Variants in LIG1 observed in about 807,000 individuals in gnomAD.
The protein encoded by LIG1 is DNA ligase 1, also known as ligase I, DNA, ATP-dependent.
Under a neutral mutation model 115.7 loss-of-function variants are expected in LIG1, and 70 were observed. That is an observed-to-expected ratio of 0.60 (90% confidence interval 0.50 to 0.74). The LOEUF (loss-of-function observed/expected upper bound fraction) is 0.74. LIG1 is among the 30% of genes least tolerant of loss of function. LIG1 has a pLI of 0.00. For synonymous variants in LIG1, 487 were observed against 495.3 expected (o/e 0.98, Z 0.22); for missense variants, 1,115 against 1,225.6 (o/e 0.91, Z 1.35).
chr19:48,134,117 C>T, intron 16 of LIG1, 51 bp from the exon 17 acceptor site: 1 of 1,502,136 alleles, frequency 6.7e-7, no homozygotes. Flanking sequence ...AGAACTCACA[C>T]AGTTTGGAAA....
At chr19:48,127,680 T>A in intron 20 of LIG1, 1 of 624,432 alleles carries the variant, frequency 1.6e-6, no homozygotes, top group Non-Finnish European at 2.9e-6. Context: ...TCTTCTTTCA[T>A]AGTAAAACAA....
chr19:48,138,840 G>A (rs1032827725), intron 12 of LIG1, among the ~76,000 whole-genome samples: 6 of 152,182 alleles, frequency 3.9e-5, no homozygotes, highest in African/African-American at 7.2e-5. Flanking sequence ...AACCGACCCC[G>A]TGTGTGCTGG....
At chr19:48,133,222 T>G (rs1309485346) in intron 17 of LIG1, 125 bp from the exon 18 acceptor site, 12 of 714,536 alleles carry the variant, frequency 1.7e-5, no homozygotes, top group Non-Finnish European at 2.8e-5. Context: ...TCACGAAGCC[T>G]CCCACGTTTT....
At chr19:48,164,558 T>C (rs1440576033) in intron 2 of LIG1, among the ~76,000 whole-genome samples, 1 of 152,218 alleles carries the variant, frequency 6.6e-6, no homozygotes, top group African/African-American at 2.4e-5. Flanking sequence ...TGGCCCAGGC[T>C]GGGCCAGTGA....
chr19:48,162,431 T>A, intron 2 of LIG1, 80 bp from the exon 3 acceptor site: 4 of 883,378 alleles, frequency 4.5e-6, no homozygotes, highest in South Asian at 1.5e-5. Flanking sequence ...TCCTATAACT[T>A]CCTTTTTTTT....
chr19:48,140,108 CGCA>C lies in LIG1; in HGVS notation c.947_949del (p.Leu316del). 1 of 1,613,682 alleles carries C rather than the reference CGCA, an allele frequency of 6.2e-7. No homozygotes were observed. The highest frequency in any genetic ancestry group is 2.2e-5 in the East Asian group (1 of 44,888). On this transcript the variant is annotated inframe_deletion, in exon 12 of 28. Coordinates refer to ENST00000263274, the MANE Select transcript of LIG1 (RefSeq NM_000234.3). ...TGGAGGCGACAGGGCCACCACGGAG[CGCA>C]GCAAGTTGCTCAGCGTCTCCACCAT...
At position 48,157,060 on chromosome 19, in the gene LIG1, G is replaced by T. The variant is rs116928757; in HGVS notation, c.324C>A (p.Thr108=). The T allele has an allele frequency of 3.1e-6, 5 of 1,613,188 alleles. No homozygotes were observed. The South Asian group carries it at 5.5e-5, about 18-fold the overall frequency. ...CTGATGGGGAACTGTCCATGGGAGA[G>T]GTGTCAGAGAGGGAAGCATTGTTCT... ...SPENNASLSD[T]SPMDSSPSGI... The change falls in exon 5 of 28, where the codon ACC becomes ACA. Residue 108 remains threonine, a synonymous_variant. Coordinates refer to ENST00000263274, the MANE Select transcript of LIG1 (RefSeq NM_000234.3).
At chr19:48,138,204 G>A (rs1159356136) in intron 12 of LIG1, among the ~76,000 whole-genome samples, 1 of 152,110 alleles carries the variant, frequency 6.6e-6, no homozygotes, top group Non-Finnish European at 1.5e-5. Context: ...TAAGAGCTGG[G>A]GAGATGGAGC....
intron 2 of LIG1, among the ~76,000 whole-genome samples, chr19:48,164,073 C>T (rs2036345013): frequency 1.3e-5 from 2 of 150,810 alleles, no homozygotes; most frequent in Non-Finnish European, 2.9e-5. Context: ...TGGTGAGAAA[C>T]GGATCATAGT....
At position 48,143,577 on chromosome 19, in the gene LIG1, G is replaced by A. The variant is rs765401609; in HGVS notation, c.880C>T (p.Arg294Trp). ...GQKVPYLAVA[R>W]TFEKIEEVSA... ...ACCTCCTCGATCTTCTCAAACGTCCGGGCCACAGCCAGGTAAGGAACCCTA... is the reference window on the plus strand; with the variant it reads ...ACCTCCTCGATCTTCTCAAACGTCCAGGCCACAGCCAGGTAAGGAACCCTA... The change falls in exon 11 of 28, where the codon CGG becomes TGG. Residue 294 changes from arginine (R) to tryptophan (W), a missense_variant. By Grantham distance (101) the Arg-to-Trp change is moderately radical. Transcript: ENST00000263274. 28 of 1,607,590 alleles carry A rather than the reference G, an allele frequency of 1.7e-5. No individual in the cohort carries two copies. Among genetic ancestry groups the A allele is most frequent in the East Asian group, 6.7e-5 (3 of 44,634 alleles).
chr19:48,131,475 AT>A (rs752862916), intron 18 of LIG1, among the ~76,000 whole-genome samples: 1 of 151,582 alleles, frequency 6.6e-6, no homozygotes, highest in Middle Eastern at 3.4e-3. Flanking sequence ...TCTCATTCTG[AT>A]TTTTTTTTGA....
chr19:48,116,756 G>C (rs2032869156), intron 26 of LIG1, among the ~76,000 whole-genome samples: 1 of 152,182 alleles, frequency 6.6e-6, no homozygotes, highest in African/African-American at 2.4e-5. Context: ...AGCAAGGGCT[G>C]GATACACACC....
chr19:48,142,969 T>C (rs1599810011), intron 11 of LIG1, among the ~76,000 whole-genome samples: 2 of 152,002 alleles, frequency 1.3e-5, no homozygotes, highest in African/African-American at 2.4e-5. Flanking sequence ...ATAAACTAAA[T>C]ACACAGGGGC....
chr19:48,121,987 G>A (rs1172831429), intron 23 of LIG1, among the ~76,000 whole-genome samples: 1 of 152,190 alleles, frequency 6.6e-6, no homozygotes, highest in Non-Finnish European at 1.5e-5. Context: ...CTAACCATGT[G>A]CCAGGCAGAA....
intron 6 of LIG1, among the ~76,000 whole-genome samples, chr19:48,153,233 T>C (rs574772401): frequency 6.6e-6 from 1 of 151,376 alleles, no homozygotes; most frequent in Admixed American, 6.6e-5. Context: ...TTACTTTTTT[T>C]CCAATGTATG....
intron 10 of LIG1, 99 bp from the exon 11 acceptor site, chr19:48,143,698 G>T: frequency 1.7e-6 from 2 of 1,167,026 alleles, no homozygotes; most frequent in Non-Finnish European, 2.6e-6. Flanking sequence ...GGACACCCTT[G>T]CCAATACCCA....
In LIG1 at chr19:48,137,106, C is replaced by A. The variant is rs3730969; in HGVS notation, c.1255-22G>T. 13 of 1,596,680 alleles carry A rather than the reference C, an allele frequency of 8.1e-6. No homozygotes were observed. In the African/African-American group the frequency reaches 1.5e-4, roughly 18 times the overall value. ...TGGACTGGAGAGTCAGGGGAAGAGC[C>A]GTCAGTGCCTGGTGAAGGCAGGGAC... is the stretch of plus-strand genomic sequence containing the variant. On this transcript the variant is annotated intron_variant, in intron 13 of 27. Transcript: ENST00000263274. This position sits in a 1 kb window ranked among gnomAD's most constrained non-coding sequence, Gnocchi z 4.3.
At chr19:48,139,498 C>T (rs1400601387) in intron 12 of LIG1, among the ~76,000 whole-genome samples, 1 of 152,140 alleles carries the variant, frequency 6.6e-6, no homozygotes, top group Non-Finnish European at 1.5e-5. Flanking sequence ...TGATAAGCAC[C>T]GAGCACTCCA....
In LIG1 at chr19:48,121,148, A is replaced by T. The variant is rs559436113; in HGVS notation, c.2385+22T>A. ...AATCTCCTTCCCTCCTGCTTCTGCC[A>T]TCAGCCCCAGTTCCCCAGGACCTTG... On this transcript the variant is annotated intron_variant, in intron 24 of 27. Transcript: ENST00000263274. The T allele has an allele frequency of 3.1e-6, 5 of 1,614,098 alleles. No homozygotes were observed. The South Asian group carries it at 4.4e-5, about 14-fold the overall frequency.
Sources: allele counts gnomAD v4.1 joint callset (sites outside exome capture counted in the v4.1 genomes callset), GRCh38; gene constraint gnomAD v4.1.1; non-coding constraint Gnocchi (gnomAD v3.1); transcripts MANE v1.5; gene names NCBI Gene and HGNC (gene_info 2026-07-23, HGNC 2026-07-21).